The following BDKRB2 variants were observed in gnomAD, a reference collection of about 807,000 sequenced individuals.
BDKRB2 encodes bradykinin receptor B2.
BDKRB2 carries 6 observed loss-of-function variants against 4.0 expected under a neutral mutation model. That is an observed-to-expected ratio of 1.49 (90% CI 0.81 to 2.93). BDKRB2 has a LOEUF of 2.93. Ranked by LOEUF, BDKRB2 falls within the 30% of genes most tolerant of loss-of-function variation. The probability of loss-of-function intolerance (pLI) is 0.00; values close to 1 mark genes in which losing one functional copy is unlikely to be tolerated. For missense variants in BDKRB2, 478 were observed against 520.1 expected (o/e 0.92, Z 0.79); for synonymous variants, 225 against 215.3 (o/e 1.05, Z -0.40).
At chr14:96,222,191 G>A (rs1311736879) in intron 1 of BDKRB2, among the ~76,000 whole-genome samples, 1 of 152,124 alleles carries the variant, frequency 6.6e-6, no homozygotes, top group Non-Finnish European at 1.5e-5. Flanking sequence ...ACAGCCAGGT[G>A]GAAGAGAGGC....
rs190887547 is a variant in BDKRB2, at chr14:96,225,306, C to T, written c.-39-11763C>T. 2.1e-3 allele frequency among the ~76,000 whole-genome samples: 318 copies of T among 152,268 alleles called. 4 individuals carry two copies. The highest frequency in any genetic ancestry group is 1.7e-3 in the South Asian group (8 of 4,824). On this transcript the variant is annotated intron_variant, in intron 1 of 2. Transcript: ENST00000554311. The stretch of plus-strand genomic sequence containing the variant: ...AAGGGCACACCTGGTCCTGGGCCTA[C>T]GACCCTTAGACAATATTCCTTCCAC...
At position 96,241,239 on chromosome 14, in the gene BDKRB2, G is replaced by A; in HGVS notation, c.911G>A (p.Cys304Tyr). ...TLHRLGILSS[C>Y]QDERIIDVIT... ...CATCGCCTCGGCATCCTCTCCAGCT[G>A]CCAGGACGAGCGCATCATCGATGTA... The change falls in exon 3 of 3, where the codon TGC (cysteine) becomes TAC (tyrosine). Residue 304 changes from cysteine to tyrosine, a missense_variant. By Grantham distance (194) the Cys-to-Tyr change is radical. Transcript: ENST00000554311. The A allele has an allele frequency of 6.2e-7, 1 of 1,612,764 alleles. No individual in the cohort carries two copies. Among genetic ancestry groups the A allele is most frequent in the Non-Finnish European group, 8.5e-7 (1 of 1,179,060 alleles).
At chr14:96,236,483 T>G (rs1424385156) in intron 1 of BDKRB2, among the ~76,000 whole-genome samples, 1 of 152,190 alleles carries the variant, frequency 6.6e-6, no homozygotes, top group Non-Finnish European at 1.5e-5. Flanking sequence ...GCCTCGCCCC[T>G]GTCCTCACCC....
chr14:96,240,254 GAGCGCGGGCTGC>G (rs1302192415), intron 2 of BDKRB2, 137 bp from the exon 3 acceptor site: 12 of 1,330,938 alleles, frequency 9.0e-6, no homozygotes, highest in Non-Finnish European at 1.1e-5. Context: ...AGGTGCACTG[GAGCGCGGGCTGC>G]AGAAAACAGC....
chr14:96,229,972 C>CAAA (rs535349072), intron 1 of BDKRB2, among the ~76,000 whole-genome samples: 26 of 142,786 alleles, frequency 1.8e-4, no homozygotes, highest in Non-Finnish European at 3.1e-4. Context: ...TCTAAAAATA[C>CAAA]AAAAAAAAAA....
chr14:96,230,905 A>C (rs1169993628), intron 1 of BDKRB2, among the ~76,000 whole-genome samples: 1 of 152,070 alleles, frequency 6.6e-6, no homozygotes, highest in African/African-American at 2.4e-5. Flanking sequence ...CGTGAGCCAC[A>C]GCACCCAGCC....
At chr14:96,237,015 A>C (rs1890950476) in intron 1 of BDKRB2, 54 bp from the exon 2 acceptor site, 4 of 1,068,762 alleles carry the variant, frequency 3.7e-6, no homozygotes, top group Non-Finnish European at 5.8e-6. Flanking sequence ...GAATGCGTGT[A>C]TTTTGCAATC....
In BDKRB2 at chr14:96,241,366, G is replaced by A. The variant is rs199847805; in HGVS notation, c.1038G>A (p.Val346=). ...GCTTCCGAAAGAAGTCTTGGGAGGTGTACCAGGGAGTGTGCCAGAAAGGGG... is the reference window on the plus strand; with the variant it reads ...GCTTCCGAAAGAAGTCTTGGGAGGTATACCAGGGAGTGTGCCAGAAAGGGG... ...GKRFRKKSWE[V]YQGVCQKGGC... The change falls in exon 3 of 3, where the codon GTG becomes GTA. Residue 346 remains valine (V), a synonymous_variant. Transcript: ENST00000554311. 2 of 1,613,870 alleles carry A rather than the reference G, an allele frequency of 1.2e-6. No homozygotes were observed. Among genetic ancestry groups the A allele is most frequent in the African/African-American group, 1.3e-5 (1 of 75,052 alleles).
chr14:96,240,854 C>T lies in BDKRB2; in HGVS notation c.526C>T (p.Leu176Phe), dbSNP rs1193564678. 4 of 1,575,576 alleles carry T rather than the reference C, an allele frequency of 2.5e-6. No homozygotes were observed. The highest frequency in any genetic ancestry group is 2.2e-5 in the East Asian group (1 of 44,720). Residue 176 changes from leucine (L) to phenylalanine (F), a missense_variant, in exon 3 of 3, where the codon CTC becomes TTC. Leu to Phe is a conservative substitution (Grantham distance 22). Transcript: ENST00000554311. ...GATGCGCGGCGTGCGCTGGGCCAAGCTCTACAGCTTGGTGATCTGGGGGTG... is the reference window on the plus strand; with the variant it reads ...GATGCGCGGCGTGCGCTGGGCCAAGTTCTACAGCTTGGTGATCTGGGGGTG... The part of the protein sequence containing the change: ...GRMRGVRWAK[L>F]YSLVIWGCTL...
At chr14:96,225,457 A>AT (rs34135987) in intron 1 of BDKRB2, among the ~76,000 whole-genome samples, 4 of 150,114 alleles carry the variant, frequency 2.7e-5, no homozygotes, top group Non-Finnish European at 4.5e-5. Context: ...TGATATCCTA[A>AT]TTTTTTTTTT....
intron 1 of BDKRB2, among the ~76,000 whole-genome samples, chr14:96,205,176 G>A (rs913911790): frequency 1.3e-5 from 2 of 152,164 alleles, no homozygotes; most frequent in Non-Finnish European, 2.9e-5. Flanking sequence ...GTCTGTTGTA[G>A]GTTTCTCTTC....
chr14:96,230,206 C>T (rs939246648), intron 1 of BDKRB2, among the ~76,000 whole-genome samples: 4 of 152,132 alleles, frequency 2.6e-5, no homozygotes, highest in Admixed American at 1.3e-4. Flanking sequence ...AAATGCAATG[C>T]CTTTTTTGAA....
intron 1 of BDKRB2, among the ~76,000 whole-genome samples, chr14:96,235,527 C>T (rs1302153944): frequency 6.6e-6 from 1 of 152,144 alleles, no homozygotes; most frequent in Non-Finnish European, 1.5e-5. Flanking sequence ...TCGTTGCATC[C>T]TTTGCAAGTT....
chr14:96,207,578 A>T (rs559648856), intron 1 of BDKRB2, among the ~76,000 whole-genome samples: 1 of 152,322 alleles, frequency 6.6e-6, no homozygotes, highest in African/African-American at 2.4e-5. Context: ...TCCATCACCA[A>T]GAGTGAACCC....
chr14:96,212,401 CAA>C (rs67435703), intron 1 of BDKRB2, among the ~76,000 whole-genome samples: 1 of 149,170 alleles, frequency 6.7e-6, no homozygotes, highest in Non-Finnish European at 1.5e-5. Flanking sequence ...AAAAAGATTG[CAA>C]AAAAAAACTG....
At chr14:96,235,835 G>A (rs1217775647) in intron 1 of BDKRB2, among the ~76,000 whole-genome samples, 1 of 149,950 alleles carries the variant, frequency 6.7e-6, no homozygotes, top group East Asian at 1.9e-4. Flanking sequence ...ACACACACCT[G>A]CACTCACACA....
chr14:96,239,289 A>G, intron 2 of BDKRB2: 5 of 974,864 alleles, frequency 5.1e-6, no homozygotes, highest in Non-Finnish European at 6.1e-6. Flanking sequence ...AGAAATGCAA[A>G]GCGATTCAGG....
At position 96,240,840 on chromosome 14, in the gene BDKRB2, T is replaced by C. The variant is rs201329154; in HGVS notation, c.512T>C (p.Val171Ala). ...ATGTCCATGGGCCGGATGCGCGGCG[T>C]GCGCTGGGCCAAGCTCTACAGCTTG... ...KTMSMGRMRG[V>A]RWAKLYSLVI... Residue 171 changes from valine (V) to alanine (A), a missense_variant, in exon 3 of 3, where the codon GTG (valine) becomes GCG (alanine). Transcript: ENST00000554311. The C allele has an allele frequency of 2.6e-5, 41 of 1,561,484 alleles. No homozygotes were observed. Among genetic ancestry groups the C allele is most frequent in the Non-Finnish European group, 3.4e-5 (39 of 1,156,072 alleles).
chr14:96,226,951 G>A (rs527524028), intron 1 of BDKRB2, among the ~76,000 whole-genome samples: 1 of 152,304 alleles, frequency 6.6e-6, no homozygotes, highest in East Asian at 1.9e-4. Context: ...GGCAGTGTCC[G>A]AGAGGGCTAC....
Sources: gnomAD v4.1 joint callset for allele counts (sites outside exome capture counted in the v4.1 genomes callset) on GRCh38, gnomAD v4.1.1 for gene constraint, MANE v1.5 for transcripts, NCBI Gene and HGNC (gene_info 2026-07-23, HGNC 2026-07-21) for gene names.